GPC5: variants seen among roughly 807,000 people sequenced by gnomAD.
The protein encoded by GPC5 is glypican-5.
In GPC5, 47 loss-of-function variants were observed where a neutral mutation model predicts 53.9. That is an observed-to-expected ratio of 0.87 (90% CI 0.69 to 1.11). The LOEUF is 1.11. Among genes scored for constraint, GPC5 ranks in the 50% most tolerant of loss-of-function variants. The pLI is 0.00. For missense variants in GPC5, 748 were observed against 713.1 expected (o/e 1.05, Z -0.56); for synonymous variants, 286 against 263.3 (o/e 1.09, Z -0.84).
chr13:92,385,371 T>C (rs150248243), intron 7 of GPC5, among the ~76,000 whole-genome samples: 6,541 of 79,210 alleles, frequency 0.083, 764 homozygotes, highest in East Asian at 0.3. Context: ...TACATATATA[T>C]ACATATATAC....
At chr13:91,855,474 T>C (rs760112117) in intron 5 of GPC5, among the ~76,000 whole-genome samples, 2 of 151,726 alleles carry the variant, frequency 1.3e-5, no homozygotes. Flanking sequence ...CTAATGCCTA[T>C]TTTAAATGAA....
At chr13:92,485,681 G>A (rs1879525708) in intron 7 of GPC5, among the ~76,000 whole-genome samples, 1 of 152,102 alleles carries the variant, frequency 6.6e-6, no homozygotes, top group Non-Finnish European at 1.5e-5. Context: ...TAAGATTTGA[G>A]AAAAGATATT....
intron 2 of GPC5, among the ~76,000 whole-genome samples, chr13:91,559,899 A>T (rs1185362648): frequency 6.6e-6 from 1 of 152,146 alleles, no homozygotes; most frequent in East Asian, 1.9e-4. Flanking sequence ...TAGTTTACAT[A>T]CAAAAATAAT....
At chr13:91,756,203 TCC>T (rs2037287817) in intron 4 of GPC5, 90 bp from the exon 5 acceptor site, 8 of 892,942 alleles carry the variant, frequency 9.0e-6, no homozygotes, top group Non-Finnish European at 1.2e-5. Flanking sequence ...AAAAATTATA[TCC>T]TAAACATTAT....
At chr13:91,410,632 C>T (rs1877685960) in intron 1 of GPC5, among the ~76,000 whole-genome samples, 1 of 152,044 alleles carries the variant, frequency 6.6e-6, no homozygotes. Flanking sequence ...AGGCGTGAGC[C>T]ACTACGCCCG....
intron 2 of GPC5, among the ~76,000 whole-genome samples, chr13:91,672,162 T>C (rs459342): frequency 0.24 from 37,235 of 152,012 alleles, 6,599 homozygotes; most frequent in African/African-American, 0.5. Context: ...CTAGGCAATA[T>C]GATTCAAGAC....
At chr13:92,419,336 AT>A (rs1329523998) in intron 7 of GPC5, among the ~76,000 whole-genome samples, 6 of 151,938 alleles carry the variant, frequency 3.9e-5, no homozygotes, top group Non-Finnish European at 8.8e-5. Context: ...ATAGCAAGTG[AT>A]TTTTTTCTTC....
chr13:92,392,778 C>G (rs1033938050), intron 7 of GPC5, among the ~76,000 whole-genome samples: 6 of 151,994 alleles, frequency 3.9e-5, no homozygotes, highest in Admixed American at 2.0e-4. Context: ...ATACATGTGG[C>G]CAACAAGCAT....
chr13:91,701,025 A>C (rs2139854246), intron 3 of GPC5, among the ~76,000 whole-genome samples: 1 of 152,312 alleles, frequency 6.6e-6, no homozygotes, highest in African/African-American at 2.4e-5. Flanking sequence ...ATCTCTCTAA[A>C]TTAATACTGC....
intron 7 of GPC5, among the ~76,000 whole-genome samples, chr13:92,584,197 A>G (rs753512157): frequency 6.6e-6 from 1 of 152,192 alleles, no homozygotes; most frequent in Non-Finnish European, 1.5e-5. Flanking sequence ...TGGAGAGCTC[A>G]GAAGAAGACA....
At chr13:92,616,088 C>A (rs1301788934) in intron 7 of GPC5, among the ~76,000 whole-genome samples, 3 of 152,036 alleles carry the variant, frequency 2.0e-5, no homozygotes, top group Non-Finnish European at 2.9e-5. Context: ...AAAAAACTTC[C>A]CCTACCAACA....
chr13:91,432,518 T>C (rs958596571), intron 1 of GPC5, among the ~76,000 whole-genome samples: 29 of 152,200 alleles, frequency 1.9e-4, no homozygotes, highest in African/African-American at 7.0e-4. Context: ...ATACCATTTA[T>C]GTATATGAGG....
chr13:92,541,180 G>A (rs527356092), intron 7 of GPC5, among the ~76,000 whole-genome samples: 2 of 151,832 alleles, frequency 1.3e-5, no homozygotes, highest in South Asian at 4.1e-4. Context: ...GTAACCACAA[G>A]CGTATTTTAA....
At chr13:92,040,175 G>GA (rs1157316395) in intron 6 of GPC5, among the ~76,000 whole-genome samples, 1 of 152,068 alleles carries the variant, frequency 6.6e-6, no homozygotes, top group Non-Finnish European at 1.5e-5. Context: ...ATTGATGGGG[G>GA]AAAAAAATCA....
chr13:92,562,300 C>T (rs1444318477), intron 7 of GPC5, among the ~76,000 whole-genome samples: 2 of 152,034 alleles, frequency 1.3e-5, no homozygotes, highest in African/African-American at 4.8e-5. Flanking sequence ...GGCATTCTCT[C>T]AATACGTCGG....
At chr13:92,824,115 T>A (rs1028559206) in intron 7 of GPC5, among the ~76,000 whole-genome samples, 5 of 152,112 alleles carry the variant, frequency 3.3e-5, no homozygotes, top group African/African-American at 1.2e-4. Context: ...TCTTAAATCC[T>A]ACATTCTAAA....
chr13:91,777,733 T>C (rs554328604), intron 5 of GPC5, among the ~76,000 whole-genome samples: 2 of 152,214 alleles, frequency 1.3e-5, no homozygotes, highest in East Asian at 3.9e-4. Context: ...CAATTTTTTT[T>C]TCATTTAATC....
chr13:91,900,789 A>G (rs1262800510), intron 5 of GPC5, among the ~76,000 whole-genome samples: 1 of 152,078 alleles, frequency 6.6e-6, no homozygotes, highest in Non-Finnish European at 1.5e-5. Flanking sequence ...TTTTGAAATG[A>G]CAGCTTCCAA....
chr13:91,729,588 C>T (rs1162363334), intron 4 of GPC5, among the ~76,000 whole-genome samples: 1 of 152,152 alleles, frequency 6.6e-6, no homozygotes, highest in Non-Finnish European at 1.5e-5. Flanking sequence ...GCCTCATTCT[C>T]TCATCAGATG....
Sources: allele counts gnomAD v4.1 joint callset (sites outside exome capture counted in the v4.1 genomes callset), GRCh38; gene constraint gnomAD v4.1.1; transcripts MANE v1.5; gene names NCBI Gene and HGNC (gene_info 2026-07-23, HGNC 2026-07-21).